The following NRG1 variants were observed in gnomAD, a reference collection of about 807,000 sequenced individuals.
The protein encoded by NRG1 is neuregulin 1.
In NRG1, 18 loss-of-function variants were observed where a neutral mutation model predicts 63.8. That is an observed-to-expected ratio of 0.28 (90% CI 0.19 to 0.42). NRG1 has a LOEUF of 0.42. Among genes scored for constraint, NRG1 ranks in the 10% least tolerant of loss-of-function variants. The pLI is 1.00. For missense variants in NRG1, 762 were observed against 814.7 expected, an observed-to-expected ratio of 0.94 and a Z score of 0.79; for synonymous variants, 302 against 301.3, an observed-to-expected ratio of 1.00 and a Z score of -0.02.
intron 5 of NRG1, among the ~76,000 whole-genome samples, chr8:32,689,039 C>T (rs1017455325): frequency 2.0e-5 from 3 of 152,050 alleles, no homozygotes; most frequent in Admixed American, 6.6e-5. Context: ...CCAAGAAAAG[C>T]AAGATAGTAT....
intron 1 of NRG1, among the ~76,000 whole-genome samples, chr8:31,847,091 A>G (rs1826760137): frequency 6.6e-6 from 1 of 152,238 alleles, no homozygotes; most frequent in Non-Finnish European, 1.5e-5. Flanking sequence ...TTGAAAGATC[A>G]CATTAATAGG....
chr8:32,446,609 T>A (rs1820275639), intron 1 of NRG1, among the ~76,000 whole-genome samples: 4 of 151,996 alleles, frequency 2.6e-5, no homozygotes, highest in Admixed American at 2.6e-4. Flanking sequence ...GAGCCAAGAT[T>A]GTGCCCCTGC....
chr8:32,427,266 G>T (rs1386745787), intron 1 of NRG1, among the ~76,000 whole-genome samples: 1 of 151,978 alleles, frequency 6.6e-6, no homozygotes, highest in Non-Finnish European at 1.5e-5. Context: ...GGTTTTCCCT[G>T]AAAAATCACA....
chr8:31,717,409 CA>C (rs1275660033), intron 1 of NRG1, among the ~76,000 whole-genome samples: 68 of 33,236 alleles, frequency 2.0e-3, no homozygotes, highest in African/African-American at 4.9e-3. Context: ...TCCATCTCGA[CA>C]TTAAAAAAAA....
At chr8:31,692,591 A>G (rs1210819658) in intron 1 of NRG1, among the ~76,000 whole-genome samples, 1 of 152,242 alleles carries the variant, frequency 6.6e-6, no homozygotes. Context: ...AAAAGTGGCA[A>G]TAACTATAAA....
intron 5 of NRG1, among the ~76,000 whole-genome samples, chr8:32,692,405 A>T (rs1259658524): frequency 6.6e-6 from 1 of 152,154 alleles, no homozygotes; most frequent in African/African-American, 2.4e-5. Context: ...GCTGTGACAA[A>T]CACAATCTAA....
chr8:32,449,983 C>G (rs1820757264), intron 1 of NRG1, among the ~76,000 whole-genome samples: 1 of 152,072 alleles, frequency 6.6e-6, no homozygotes, highest in South Asian at 2.1e-4. Flanking sequence ...GGGATGGGAA[C>G]AGGCTGGCAA....
At chr8:31,665,040 T>C (rs1315699559) in intron 1 of NRG1, among the ~76,000 whole-genome samples, 1 of 152,010 alleles carries the variant, frequency 6.6e-6, no homozygotes, top group African/African-American at 2.4e-5. Flanking sequence ...AGAATAAGCT[T>C]TTGTTGACGG....
At chr8:32,274,640 A>G (rs910556710) in intron 1 of NRG1, among the ~76,000 whole-genome samples, 1 of 152,054 alleles carries the variant, frequency 6.6e-6, no homozygotes, top group East Asian at 1.9e-4. Context: ...CTCACATTCT[A>G]TCCTCATCTT....
intron 1 of NRG1, among the ~76,000 whole-genome samples, chr8:31,968,821 C>T (rs374196393): frequency 1.2e-3 from 176 of 152,252 alleles, no homozygotes; most frequent in African/African-American, 4.0e-3. Flanking sequence ...ATAAATGTGG[C>T]AATTGACACG....
At chr8:32,357,296 A>G (rs56093734) in intron 1 of NRG1, among the ~76,000 whole-genome samples, 8,566 of 152,308 alleles carry the variant, frequency 0.056, 316 homozygotes, top group Middle Eastern at 0.099. Flanking sequence ...AAAAATCCTC[A>G]GAAGATATAG....
At chr8:32,274,566 T>C (rs546700942) in intron 1 of NRG1, among the ~76,000 whole-genome samples, 1 of 152,334 alleles carries the variant, frequency 6.6e-6, no homozygotes, top group South Asian at 2.1e-4. Context: ...ACACACACTT[T>C]ACAGGGAAAG....
At chr8:32,693,665 A>G (rs1812483797) in intron 5 of NRG1, among the ~76,000 whole-genome samples, 1 of 152,056 alleles carries the variant, frequency 6.6e-6, no homozygotes, top group Non-Finnish European at 1.5e-5. Context: ...AAATCATTAG[A>G]TAGAACATAC....
chr8:32,141,335 A>G (rs112176435), intron 1 of NRG1, among the ~76,000 whole-genome samples: 9,150 of 151,962 alleles, frequency 0.06, 536 homozygotes, highest in African/African-American at 0.15. Flanking sequence ...CTTTGGCAGT[A>G]TAGAATTCAC....
intron 7 of NRG1, chr8:32,743,262 A>G (rs1289051552): frequency 2.0e-6 from 2 of 977,334 alleles, no homozygotes; most frequent in Non-Finnish European, 2.4e-6. Flanking sequence ...AACAGTTTGC[A>G]TTGAGGCATT....
At chr8:32,526,346 A>G (rs7000397) in intron 1 of NRG1, among the ~76,000 whole-genome samples, 45,948 of 152,152 alleles carry the variant, frequency 0.3, 7,152 homozygotes, top group South Asian at 0.38. Context: ...TCTCTATAGC[A>G]GTTTGTTTAA....
At chr8:32,603,806 T>C (rs1433743531) in intron 2 of NRG1, among the ~76,000 whole-genome samples, 1 of 152,206 alleles carries the variant, frequency 6.6e-6, no homozygotes, top group Non-Finnish European at 1.5e-5. Flanking sequence ...CTATGTTGGT[T>C]TGACCACCAC....
intron 1 of NRG1, among the ~76,000 whole-genome samples, chr8:32,450,708 AC>A (rs1820844867): frequency 6.6e-6 from 1 of 152,098 alleles, no homozygotes; most frequent in African/African-American, 2.4e-5. Context: ...GAACCACTGC[AC>A]CTGGTCTAGA....
At chr8:32,379,078 A>G (rs1587218493) in intron 1 of NRG1, among the ~76,000 whole-genome samples, 2 of 49,538 alleles carry the variant, frequency 4.0e-5, no homozygotes, top group African/African-American at 1.4e-4. Flanking sequence ...CGCAATAAAC[A>G]TATCTTTTTT....
Sources: allele counts gnomAD v4.1 joint callset (sites outside exome capture counted in the v4.1 genomes callset), GRCh38; gene constraint gnomAD v4.1.1; transcripts MANE v1.5; gene names NCBI Gene and HGNC (gene_info 2026-07-23, HGNC 2026-07-21).